The following SMG6 variants were observed in gnomAD, a reference collection of about 807,000 sequenced individuals.
SMG6 encodes SMG6 nonsense mediated mRNA decay factor, also known as telomerase-binding protein EST1A.
A neutral mutation model predicts 142.2 loss-of-function variants in SMG6; 66 were observed. That is an observed-to-expected ratio of 0.46 (90% CI 0.38 to 0.57). SMG6 has a LOEUF of 0.57. Among genes scored for constraint, SMG6 ranks in the 20% least tolerant of loss-of-function variants. The probability of loss-of-function intolerance (pLI) is 0.00; values close to 1 mark genes in which losing one functional copy is unlikely to be tolerated. For missense variants in SMG6, 1,793 were observed against 1,832.0 expected (o/e 0.98, Z 0.39); for synonymous variants, 779 against 702.4 (o/e 1.11, Z -1.72).
chr17:2,236,701 TCACACACACACACACACACACA>T (rs71150853), intron 9 of SMG6, 64 bp from the exon 10 acceptor site: 220 of 958,990 alleles, frequency 2.3e-4, no homozygotes, highest in African/African-American at 1.1e-3. Flanking sequence ...TCACTCTGTC[TCACACACACACACACACACACA>T]CACACACACA....
intron 8 of SMG6, among the ~76,000 whole-genome samples, chr17:2,273,626 T>C (rs898868873): frequency 6.6e-6 from 1 of 150,618 alleles, no homozygotes; most frequent in Non-Finnish European, 1.5e-5. Context: ...GTGTGAGACT[T>C]TGTCTCAAAA....
chr17:2,273,427 G>A (rs552962477), intron 8 of SMG6, among the ~76,000 whole-genome samples: 78 of 152,278 alleles, frequency 5.1e-4, no homozygotes, highest in African/African-American at 1.8e-3. Context: ...TTGGGAGGCC[G>A]AGGCGGGTGG....
intron 13 of SMG6, among the ~76,000 whole-genome samples, chr17:2,143,482 G>A (rs1007450120): frequency 6.6e-6 from 1 of 152,106 alleles, no homozygotes; most frequent in African/African-American, 2.4e-5. Context: ...AGATACAAAA[G>A]GCCATAATTA....
rs560108431 is a variant in SMG6 at position 2,075,805 on chromosome 17, G to A, written c.3681+6005C>T. ...AAGACAGAGCGTGGGCTGAGCCGGAGAGTGTGGCCTCAAAGCCCTGGGTGG... is the reference window on the plus strand; with the variant it reads ...AAGACAGAGCGTGGGCTGAGCCGGAAAGTGTGGCCTCAAAGCCCTGGGTGG... On this transcript the variant is annotated intron_variant, in intron 15 of 18. Transcript: ENST00000263073. Among the ~76,000 whole-genome samples the A allele has an allele frequency of 5.3e-5, 8 of 152,352 alleles. No individual in the cohort carries two copies. The East Asian group carries it at 1.4e-3, about 26-fold the overall frequency.
chr17:2,255,459 G>A (rs1043840484), intron 8 of SMG6, among the ~76,000 whole-genome samples: 15 of 150,202 alleles, frequency 1.0e-4, no homozygotes, highest in African/African-American at 3.7e-4. Flanking sequence ...GCCACTGAAG[G>A]GTTTTCAGCA....
In SMG6 at chr17:2,303,754, G is replaced by C. The variant is rs192220141; in HGVS notation, c.-34C>G. The C allele has an allele frequency of 6.8e-7, 1 of 1,474,236 alleles. No homozygotes were observed. Among genetic ancestry groups the C allele is most frequent in the East Asian group, 3.0e-5 (1 of 33,598 alleles). The allele number at this position is 1,474,236 out of a possible 1,614,324, so 91.3% of individuals were successfully genotyped here. A position where few individuals can be genotyped will look rare whatever the true frequency, so the allele number is the denominator to read the frequency against. On this transcript the variant is annotated 5_prime_UTR_variant, in exon 1 of 19. Transcript: ENST00000263073. Reference sequence around the variant, plus strand: ...CTGCTGCTACAGCCGTAGCGGCTCCGCCACCGCCGCGCGCAGCCAGGAAAC... The same window carrying C: ...CTGCTGCTACAGCCGTAGCGGCTCCCCCACCGCCGCGCGCAGCCAGGAAAC...
chr17:2,277,472 C>T (rs145618129), intron 8 of SMG6, among the ~76,000 whole-genome samples: 3 of 152,238 alleles, frequency 2.0e-5, no homozygotes, highest in African/African-American at 4.8e-5. Flanking sequence ...GCCATATTTA[C>T]GTATTTCTTA....
intron 10 of SMG6, among the ~76,000 whole-genome samples, chr17:2,206,193 G>A (rs1158830645): frequency 6.6e-6 from 1 of 151,784 alleles, no homozygotes; most frequent in African/African-American, 2.4e-5. Flanking sequence ...TTATCTATAT[G>A]GTGAAACAAA....
At chr17:2,288,000 T>C (rs546455814) in intron 6 of SMG6, among the ~76,000 whole-genome samples, 1 of 152,330 alleles carries the variant, frequency 6.6e-6, no homozygotes, top group Non-Finnish European at 1.5e-5. Context: ...TACGTAATGC[T>C]ACTGAAGCTA....
At position 2,236,701 on chromosome 17, in the gene SMG6, TCACACACACACACACACACA is replaced by T. The variant is rs71150853; in HGVS notation, c.2724-84_2724-65del. On this transcript the variant is annotated intron_variant, in intron 9 of 18. Transcript: ENST00000263073. Reference sequence around the variant, plus strand: ...CTTTCAGTCTCTCTCTCACTCTGTCTCACACACACACACACACACACACACACACACACACACACACACAC... The same window carrying T: ...CTTTCAGTCTCTCTCTCACTCTGTCTCACACACACACACACACACACACAC... 1,220 of 958,280 alleles carry T rather than the reference TCACACACACACACACACACA, an allele frequency of 1.3e-3. 3 individuals are homozygous for T. Among genetic ancestry groups the T allele is most frequent in the Admixed American group, 1.4e-3 (52 of 36,964 alleles). The allele number at this position is 958,280 out of a possible 1,614,324, so 59.4% of individuals were successfully genotyped here.
rs2073715767 is a variant in SMG6 at position 2,238,251 on chromosome 17, C to T, written c.2724-1614G>A. The stretch of plus-strand genomic sequence containing the variant: ...TTACAGTTTACATTCCAGTTCCCTC[C>T]TCTGCTGAGCTGTCCTCATTTTCAT... On this transcript the variant is annotated intron_variant, in intron 9 of 18. Coordinates refer to ENST00000263073, the MANE Select transcript of SMG6 (RefSeq NM_017575.5). Among the ~76,000 whole-genome samples the T allele has an allele frequency of 2.0e-5, 3 of 152,308 alleles. No homozygotes were observed. The East Asian group carries it at 5.8e-4, about 29-fold the overall frequency.
intron 13 of SMG6, among the ~76,000 whole-genome samples, chr17:2,120,060 G>A (rs570951933): frequency 2.0e-5 from 3 of 152,218 alleles, no homozygotes; most frequent in Admixed American, 6.5e-5. Flanking sequence ...CACCCACCTC[G>A]GCCTCCCAAA....
intron 10 of SMG6, among the ~76,000 whole-genome samples, chr17:2,221,845 G>A (rs1157360544): frequency 6.6e-6 from 1 of 152,110 alleles, no homozygotes; most frequent in African/African-American, 2.4e-5. Context: ...CCGGGTTAAC[G>A]CCAGTCTCCT....
chr17:2,220,186 G>A (rs1376359733), intron 10 of SMG6, among the ~76,000 whole-genome samples: 1 of 152,148 alleles, frequency 6.6e-6, no homozygotes, highest in Non-Finnish European at 1.5e-5. Flanking sequence ...TTACAGGCAT[G>A]AGCCACCACG....
At chr17:2,145,518 T>C (rs1460576556) in intron 13 of SMG6, among the ~76,000 whole-genome samples, 1 of 150,362 alleles carries the variant, frequency 6.7e-6, no homozygotes, top group Non-Finnish European at 1.5e-5. Flanking sequence ...CCTTGAGTTC[T>C]AAAAACCTCA....
Position 2,225,175 on chromosome 17 carries a change from G to T in SMG6, c.2869+11317C>A, listed in dbSNP as rs182012113. 6.2e-4 allele frequency among the ~76,000 whole-genome samples: 94 copies of T among 152,134 alleles called. 1 individual carries two copies. Among genetic ancestry groups the T allele is most frequent in the African/African-American group, 2.1e-3 (87 of 41,512 alleles). ...CTGAAATGCAAAAGTGAATTTAACAGTAAATATACAGGTGAGTTAAGGCCA... is the reference window on the plus strand; with the variant it reads ...CTGAAATGCAAAAGTGAATTTAACATTAAATATACAGGTGAGTTAAGGCCA... On this transcript the variant is annotated intron_variant, in intron 10 of 18. Coordinates refer to ENST00000263073, the MANE Select transcript of SMG6 (RefSeq NM_017575.5).
intron 13 of SMG6, among the ~76,000 whole-genome samples, chr17:2,089,208 G>A (rs988103196): frequency 1.3e-5 from 2 of 152,186 alleles, no homozygotes; most frequent in African/African-American, 4.8e-5. Flanking sequence ...ACCAGAGAAT[G>A]TAAGTGGCAT....
intron 10 of SMG6, chr17:2,215,432 T>A (rs1180878887): frequency 6.6e-6 from 1 of 152,088 alleles, no homozygotes; most frequent in Non-Finnish European, 1.5e-5. Context: ...AGCAACTCAT[T>A]GATAAGAGGA....
At chr17:2,235,913 A>T (rs1282698777) in intron 10 of SMG6, 1 of 152,162 alleles carries the variant, frequency 6.6e-6, no homozygotes, top group African/African-American at 2.4e-5. Flanking sequence ...AAATGTTCAG[A>T]AAAACATTTT....
Sources: gnomAD v4.1 joint callset for allele counts (sites outside exome capture counted in the v4.1 genomes callset) on GRCh38, gnomAD v4.1.1 for gene constraint, MANE v1.5 for transcripts, NCBI Gene and HGNC (gene_info 2026-07-23, HGNC 2026-07-21) for gene names.